AGPAT4: variants seen among roughly 807,000 people sequenced by gnomAD.
AGPAT4 encodes the protein 1-acyl-sn-glycerol-3-phosphate acyltransferase delta.
AGPAT4 carries 15 observed loss-of-function variants against 48.0 expected under a neutral mutation model. The observed-to-expected ratio is 0.31, with a 90% CI of 0.21 to 0.48. AGPAT4 has a LOEUF of 0.48. Among genes scored for constraint, AGPAT4 ranks in the 20% least tolerant of loss-of-function variants. The pLI is 0.99. For synonymous variants in AGPAT4, 178 were observed against 198.7 expected, an observed-to-expected ratio of 0.90 and a Z score of 0.88; for missense variants, 314 against 482.5, an observed-to-expected ratio of 0.65 and a Z score of 3.27.
rs557294666 is a variant in AGPAT4 at position 161,158,016 on chromosome 6, C to T, written c.349-3706G>A. 5.9e-5 allele frequency among the ~76,000 whole-genome samples: 9 copies of T among 152,296 alleles called. No homozygotes were observed. Among genetic ancestry groups the T allele is most frequent in the East Asian group, 1.9e-4 (1 of 5,186 alleles). Reference sequence around the variant, plus strand: ...CACAAAGTTGAGACTCTGACATGGGCGTTCAATAACTTGTAGCTATTATTT... The same window carrying T: ...CACAAAGTTGAGACTCTGACATGGGTGTTCAATAACTTGTAGCTATTATTT... On this transcript the variant is annotated intron_variant, in intron 3 of 8. Transcript: ENST00000320285. This position sits in a 1 kb window ranked among gnomAD's most constrained non-coding sequence, Gnocchi z 5.3.
At chr6:161,209,676 T>C (rs1344306184) in intron 2 of AGPAT4, among the ~76,000 whole-genome samples, 2 of 152,186 alleles carry the variant, frequency 1.3e-5, no homozygotes, top group Non-Finnish European at 2.9e-5. Context: ...GATTTTCCCA[T>C]GGAGATATAA....
chr6:161,185,018 T>G (rs1208312756), intron 2 of AGPAT4, among the ~76,000 whole-genome samples: 1 of 151,280 alleles, frequency 6.6e-6, no homozygotes, highest in Non-Finnish European at 1.5e-5. Flanking sequence ...TTTCACAAAT[T>G]AAGGAAAAAA....
intron 2 of AGPAT4, among the ~76,000 whole-genome samples, chr6:161,186,509 C>T (rs1158290466): frequency 1.3e-5 from 2 of 152,180 alleles, no homozygotes; most frequent in Non-Finnish European, 2.9e-5. Flanking sequence ...TCCACCACCG[C>T]CTGTCCTCCC....
In AGPAT4 at chr6:161,198,884, T is replaced by G. The variant is rs1781140996; in HGVS notation, c.179-32467A>C. Among the ~76,000 whole-genome samples, 1 of 152,226 alleles carries G rather than the reference T, an allele frequency of 6.6e-6. No homozygotes were observed. The highest frequency in any genetic ancestry group is 2.4e-5 in the African/African-American group (1 of 41,460). On this transcript the variant is annotated intron_variant, in intron 2 of 8. Coordinates refer to ENST00000320285, the MANE Select transcript of AGPAT4 (RefSeq NM_020133.3). This position sits in a 1 kb window ranked among gnomAD's most constrained non-coding sequence, Gnocchi z 4.3. ...AATATCTTGTTTATATGATCCACGATTCTATATTTTAAACTCCAGAAACTC... is the reference window on the plus strand; with the variant it reads ...AATATCTTGTTTATATGATCCACGAGTCTATATTTTAAACTCCAGAAACTC...
In AGPAT4 at chr6:161,218,642, G is replaced by C. The variant is rs1187019241; in HGVS notation, c.178+13394C>G. ...TCCTCCGCTCCACGGCCCTAGCACA[G>C]TGTATCCACATCAAATCTACTCAAA... On this transcript the variant is annotated intron_variant, in intron 2 of 8. Coordinates refer to ENST00000320285, the MANE Select transcript of AGPAT4 (RefSeq NM_020133.3). The surrounding 1 kb of genome is among the most constrained non-coding windows in gnomAD (Gnocchi z 4.7). 6.6e-6 allele frequency among the ~76,000 whole-genome samples: 1 copy of C among 152,194 alleles called. No homozygotes were observed. The highest frequency in any genetic ancestry group is 1.5e-5 in the Non-Finnish European group (1 of 68,044).
rs1476601155 is a variant in AGPAT4 at position 161,223,966 on chromosome 6, GTGT to G, written c.178+8067_178+8069del. On this transcript the variant is annotated intron_variant, in intron 2 of 8. Coordinates refer to ENST00000320285, the MANE Select transcript of AGPAT4 (RefSeq NM_020133.3). This position sits in a 1 kb window ranked among gnomAD's most constrained non-coding sequence, Gnocchi z 6.3. ...TAGAATAAAAAGGCAGAATCAGGAA[GTGT>G]TGTTCCTCTTAGCCTGCACGGATCG... 6.6e-6 allele frequency among the ~76,000 whole-genome samples: 1 copy of G among 152,346 alleles called. No homozygotes were observed. Among genetic ancestry groups the G allele is most frequent in the Admixed American group, 6.5e-5 (1 of 15,304 alleles).
rs1279902241 is a variant in AGPAT4 at position 161,151,554 on chromosome 6, C to T, written c.664+1792G>A. On this transcript the variant is annotated intron_variant, in intron 5 of 8. Coordinates refer to ENST00000320285, the MANE Select transcript of AGPAT4 (RefSeq NM_020133.3). The stretch of plus-strand genomic sequence containing the variant: ...AGAAGGTGAGATGTGCAGTGGGAGG[C>T]AGGGGGCCCCTAACAAGAGCAGCCT... 2.0e-5 allele frequency among the ~76,000 whole-genome samples: 3 copies of T among 152,338 alleles called. No homozygotes were observed. The East Asian group carries it at 5.8e-4, about 29-fold the overall frequency.
chr6:161,192,342 G>A (rs1473534432), intron 2 of AGPAT4, among the ~76,000 whole-genome samples: 4 of 151,894 alleles, frequency 2.6e-5, no homozygotes, highest in Admixed American at 2.6e-4. Context: ...GTAGAAACGG[G>A]GTTCCCCCAT....
chr6:161,176,729 C>T (rs1780440546), intron 2 of AGPAT4, among the ~76,000 whole-genome samples: 1 of 152,104 alleles, frequency 6.6e-6, no homozygotes, highest in African/African-American at 2.4e-5. Flanking sequence ...CAGTTTCTTC[C>T]TAGGATCGAT....
chr6:161,139,414 C>T lies in AGPAT4; in HGVS notation c.1042+8G>A. 1 of 1,613,676 alleles carries T rather than the reference C, an allele frequency of 6.2e-7. No homozygotes were observed. The highest frequency in any genetic ancestry group is 1.1e-5 in the South Asian group (1 of 91,050). On this transcript the variant is annotated splice_region_variant and intron_variant, in intron 8 of 8. Transcript: ENST00000320285. This position sits in a 1 kb window ranked among gnomAD's most constrained non-coding sequence, Gnocchi z 9.1. ...TCAGCACCCACCAGCCCCTTGCCCT[C>T]CACTCACCCACAAAGAAGACGAGGA...
At chr6:161,269,393 C>G (rs1238030399) in intron 1 of AGPAT4, among the ~76,000 whole-genome samples, 1 of 152,230 alleles carries the variant, frequency 6.6e-6, no homozygotes, top group Non-Finnish European at 1.5e-5. Flanking sequence ...CCCTGCCCAG[C>G]ACAGTTTATG....
At chr6:161,175,615 GT>G (rs1240794399) in intron 2 of AGPAT4, among the ~76,000 whole-genome samples, 2 of 151,946 alleles carry the variant, frequency 1.3e-5, no homozygotes, top group East Asian at 3.9e-4. Context: ...TTTTTTAAGG[GT>G]TTTTTGTGTC....
At position 161,201,331 on chromosome 6, in the gene AGPAT4, C is replaced by G. The variant is rs1365844210; in HGVS notation, c.178+30705G>C. On this transcript the variant is annotated intron_variant, in intron 2 of 8. Transcript: ENST00000320285. This position sits in a 1 kb window ranked among gnomAD's most constrained non-coding sequence, Gnocchi z 6.0. ...AGTCCCAAGAGAGAGGTTAAAGTAC[C>G]AGAAGAAAAGGAAATTACAGGAACC... Among the ~76,000 whole-genome samples the G allele has an allele frequency of 6.6e-6, 1 of 152,060 alleles. No individual in the cohort carries two copies. Among genetic ancestry groups the G allele is most frequent in the Non-Finnish European group, 1.5e-5 (1 of 68,010 alleles).
At chr6:161,190,461 G>A (rs11751051) in intron 2 of AGPAT4, among the ~76,000 whole-genome samples, 2,314 of 151,944 alleles carry the variant, frequency 0.015, 24 homozygotes, top group Middle Eastern at 0.027. Context: ...ATTAAAAAAG[G>A]TTAAAGAAAA....
chr6:161,200,567 C>T lies in AGPAT4; in HGVS notation c.178+31469G>A, dbSNP rs369382448. Among the ~76,000 whole-genome samples the T allele has an allele frequency of 2.0e-5, 3 of 152,124 alleles. No individual in the cohort carries two copies. The highest frequency in any genetic ancestry group is 4.4e-5 in the Non-Finnish European group (3 of 68,036). On this transcript the variant is annotated intron_variant, in intron 2 of 8. Transcript: ENST00000320285. The surrounding 1 kb of genome is among the most constrained non-coding windows in gnomAD (Gnocchi z 5.5). ...GTGCTTGGGCATAACCACAGGGTAG[C>T]GTAATCTCATTTTTTGATTGCTCAG...
rs1225137410 is a variant in AGPAT4, at chr6:161,266,036, C to T, written c.-90+7902G>A. On this transcript the variant is annotated intron_variant, in intron 1 of 8. Transcript: ENST00000320285. The surrounding 1 kb of genome is among the most constrained non-coding windows in gnomAD (Gnocchi z 6.2). ...GATTCCTGAGTGTACCTGACAGAGC[C>T]GGGAATTCCCCCTCAAGCAGTGGTT... Among the ~76,000 whole-genome samples, 2 of 152,104 alleles carry T rather than the reference C, an allele frequency of 1.3e-5. No individual in the cohort carries two copies. Among genetic ancestry groups the T allele is most frequent in the Non-Finnish European group, 2.9e-5 (2 of 68,028 alleles).
chr6:161,144,557 T>C lies in AGPAT4; in HGVS notation c.843+1967A>G, dbSNP rs886304341. Among the ~76,000 whole-genome samples the C allele has an allele frequency of 2.6e-5, 4 of 152,184 alleles. No homozygotes were observed. In the South Asian group the frequency reaches 8.3e-4, roughly 32 times the overall value. ...CTGAATACAGGGGAGGAAGGGCCCGTTGAGAAAAATCTCCTTTGCCTTGAT... is the reference window on the plus strand; with the variant it reads ...CTGAATACAGGGGAGGAAGGGCCCGCTGAGAAAAATCTCCTTTGCCTTGAT... On this transcript the variant is annotated intron_variant, in intron 7 of 8. Coordinates refer to ENST00000320285, the MANE Select transcript of AGPAT4 (RefSeq NM_020133.3). The surrounding 1 kb of genome is among the most constrained non-coding windows in gnomAD (Gnocchi z 6.6).
At chr6:161,157,557 C>T (rs1779797614) in intron 3 of AGPAT4, among the ~76,000 whole-genome samples, 1 of 152,174 alleles carries the variant, frequency 6.6e-6, no homozygotes, top group African/African-American at 2.4e-5. Flanking sequence ...AGGTGATCTG[C>T]CTGCCTCGGC....
rs1190237779 is a variant in AGPAT4 at position 161,240,153 on chromosome 6, A to T, written c.-89-7851T>A. On this transcript the variant is annotated intron_variant, in intron 1 of 8. Transcript: ENST00000320285. The surrounding 1 kb of genome is among the most constrained non-coding windows in gnomAD (Gnocchi z 5.5). ...AAAATCATGTGGAGAAAATAATCAC[A>T]ACTCTAAAAAAAAAACCGGAAGAAA... Among the ~76,000 whole-genome samples, 2 of 151,952 alleles carry T rather than the reference A, an allele frequency of 1.3e-5. No individual in the cohort carries two copies. Among genetic ancestry groups the T allele is most frequent in the Non-Finnish European group, 2.9e-5 (2 of 67,982 alleles).
Sources: allele counts gnomAD v4.1 joint callset (sites outside exome capture counted in the v4.1 genomes callset), GRCh38; gene constraint gnomAD v4.1.1; non-coding constraint Gnocchi (gnomAD v3.1); transcripts MANE v1.5; gene names NCBI Gene and HGNC (gene_info 2026-07-23, HGNC 2026-07-21).